Variants in SLMAP observed in about 807,000 individuals in gnomAD.
The protein encoded by SLMAP is sarcolemma associated protein, also known as sarcolemmal membrane-associated protein.
A neutral mutation model predicts 128.8 loss-of-function variants in SLMAP; 44 were observed. The observed-to-expected ratio is 0.34, with a 90% CI of 0.27 to 0.44. The LOEUF is 0.44. Among genes scored for constraint, SLMAP ranks in the 20% least tolerant of loss-of-function variants. The pLI is 1.00. For synonymous variants in SLMAP, 327 were observed against 348.8 expected, an observed-to-expected ratio of 0.94 and a Z score of 0.70; for missense variants, 787 against 985.3, an observed-to-expected ratio of 0.80 and a Z score of 2.69.
chr3:57,797,931 A>T (rs1283357390), intron 2 of SLMAP, among the ~76,000 whole-genome samples: 1 of 152,106 alleles, frequency 6.6e-6, no homozygotes, highest in African/African-American at 2.4e-5. Flanking sequence ...TCCTGGTTTC[A>T]CCTCTTATTA....
chr3:57,771,177 C>CCTCT (rs2080805122), intron 2 of SLMAP, among the ~76,000 whole-genome samples: 13 of 88,532 alleles, frequency 1.5e-4, no homozygotes, highest in East Asian at 7.7e-4. Context: ...CCCTCCCCTC[C>CCTCT]CCTCTCCTCT....
At chr3:57,887,202 A>G (rs2095913718) in intron 14 of SLMAP, among the ~76,000 whole-genome samples, 1 of 152,274 alleles carries the variant, frequency 6.6e-6, no homozygotes, top group Admixed American at 6.5e-5. Context: ...ATAATAAGCT[A>G]AATTTATAAT....
In SLMAP at chr3:57,863,780, A is replaced by G. The variant is rs538592645; in HGVS notation, c.967-768A>G. On this transcript the variant is annotated intron_variant, in intron 10 of 24. Coordinates refer to ENST00000671191, the MANE Select transcript of SLMAP (RefSeq NM_001377540.1). The stretch of plus-strand genomic sequence containing the variant: ...CCAACACTGAGGATCAAATTTCAAC[A>G]TTGAGGCTTGGGGGACGAACATCCA... Among the ~76,000 whole-genome samples the G allele has an allele frequency of 6.6e-5, 10 of 152,174 alleles. No homozygotes were observed. The South Asian group carries it at 2.1e-3, about 32-fold the overall frequency.
intron 14 of SLMAP, among the ~76,000 whole-genome samples, chr3:57,881,850 A>C (rs560234064): frequency 6.6e-6 from 1 of 152,298 alleles, no homozygotes; most frequent in South Asian, 2.1e-4. Flanking sequence ...GCAGCTAATT[A>C]GCCAGGAGCA....
intron 2 of SLMAP, among the ~76,000 whole-genome samples, chr3:57,771,673 G>T (rs2080927332): frequency 1.3e-5 from 2 of 152,214 alleles, no homozygotes; most frequent in African/African-American, 4.8e-5. Context: ...TTATAGGCAT[G>T]ACCCACTGTA....
At chr3:57,772,838 C>T (rs1044956561) in intron 2 of SLMAP, among the ~76,000 whole-genome samples, 4 of 152,040 alleles carry the variant, frequency 2.6e-5, no homozygotes, top group Non-Finnish European at 1.5e-5. Context: ...CAGGGTTTCT[C>T]CATGTTGGTC....
In SLMAP at chr3:57,852,479, C is replaced by G. The variant is rs2094542761; in HGVS notation, c.519+2663C>G. 2.0e-5 allele frequency among the ~76,000 whole-genome samples: 3 copies of G among 152,166 alleles called. No homozygotes were observed. The South Asian group carries it at 6.2e-4, about 32-fold the overall frequency. Reference sequence around the variant, plus strand: ...TTTAACCCTTTTGTGCCTCATTTTCCTCATCTGTGAAATGGATATAGTAAT... The same window carrying G: ...TTTAACCCTTTTGTGCCTCATTTTCGTCATCTGTGAAATGGATATAGTAAT... On this transcript the variant is annotated intron_variant, in intron 6 of 24. Transcript: ENST00000671191.
intron 5 of SLMAP, 122 bp from the exon 6 acceptor site, chr3:57,849,632 A>G: frequency 1.6e-6 from 1 of 637,698 alleles, no homozygotes; most frequent in Non-Finnish European, 2.8e-6. Context: ...TTGTGCTATA[A>G]ATTTGTGATT....
chr3:57,802,557 C>T (rs1322513860), intron 2 of SLMAP, among the ~76,000 whole-genome samples: 4 of 152,230 alleles, frequency 2.6e-5, no homozygotes, highest in South Asian at 2.1e-4. Flanking sequence ...TGAGCCACCG[C>T]GCTCAGCCTG....
chr3:57,845,317 T>C (rs2094189762), intron 4 of SLMAP, among the ~76,000 whole-genome samples: 1 of 152,172 alleles, frequency 6.6e-6, no homozygotes, highest in African/African-American at 2.4e-5. Context: ...TTATGTAGGC[T>C]CAATGAAGTC....
At chr3:57,819,989 C>T (rs1168983097) in intron 2 of SLMAP, among the ~76,000 whole-genome samples, 1 of 152,052 alleles carries the variant, frequency 6.6e-6, no homozygotes, top group Non-Finnish European at 1.5e-5. Context: ...TGGGCTCAAG[C>T]GATCCTTCCC....
At chr3:57,926,748 A>G (rs1165365906) in intron 24 of SLMAP, among the ~76,000 whole-genome samples, 1 of 152,224 alleles carries the variant, frequency 6.6e-6, no homozygotes, top group Non-Finnish European at 1.5e-5. Context: ...CAGAATTATC[A>G]GACAGGCAGG....
In SLMAP at chr3:57,855,205, C is replaced by A. The variant is rs143080786; in HGVS notation, c.520-2528C>A. ...CCAGCCTGATCAACTTGGCAAAACC[C>A]TGTCTCTACTAAAAATACAAAAATT... On this transcript the variant is annotated intron_variant, in intron 6 of 24. Coordinates refer to ENST00000671191, the MANE Select transcript of SLMAP (RefSeq NM_001377540.1). 2.9e-3 allele frequency among the ~76,000 whole-genome samples: 445 copies of A among 152,006 alleles called. 3 individuals are homozygous for A. Among genetic ancestry groups the A allele is most frequent in the African/African-American group, 9.3e-3 (387 of 41,448 alleles).
At chr3:57,845,476 T>C (rs546667105) in intron 4 of SLMAP, among the ~76,000 whole-genome samples, 2 of 152,340 alleles carry the variant, frequency 1.3e-5, no homozygotes, top group East Asian at 3.9e-4. Flanking sequence ...TTCCTATTTT[T>C]AACTCACATC....
At chr3:57,775,765 T>G (rs1233484550) in intron 2 of SLMAP, among the ~76,000 whole-genome samples, 1 of 152,098 alleles carries the variant, frequency 6.6e-6, no homozygotes, top group Non-Finnish European at 1.5e-5. Flanking sequence ...AGTGGTGCAG[T>G]CTTGGCTCAC....
intron 17 of SLMAP, 121 bp downstream of exon 17, chr3:57,897,053 G>A (rs756716254): frequency 1.5e-5 from 22 of 1,478,698 alleles, no homozygotes; most frequent in Non-Finnish European, 2.0e-5. Flanking sequence ...GATAGGTTCT[G>A]TAAAGTAGCA....
In SLMAP at chr3:57,853,958, TATA is replaced by T. The variant is rs2094610896; in HGVS notation, c.520-3774_520-3772del. The stretch of plus-strand genomic sequence containing the variant: ...TTCTGTCTCAAAAAAAAAAAAATTA[TATA>T]TATATATATATATATATATATATAT... On this transcript the variant is annotated intron_variant, in intron 6 of 24. Coordinates refer to ENST00000671191, the MANE Select transcript of SLMAP (RefSeq NM_001377540.1). Among the ~76,000 whole-genome samples, 346 of 51,822 alleles carry T rather than the reference TATA, an allele frequency of 6.7e-3. 1 individual carries two copies. Among genetic ancestry groups the T allele is most frequent in the East Asian group, 0.015 (21 of 1,408 alleles). 34.0% of individuals were successfully genotyped at this position (51,822 alleles called of 152,430 possible).
intron 17 of SLMAP, chr3:57,897,361 C>T (rs2096267528): frequency 5.5e-6 from 1 of 181,474 alleles, no homozygotes; most frequent in Non-Finnish European, 1.1e-5. Context: ...TAAATATCCC[C>T]AGGTTCTTAT....
intron 2 of SLMAP, among the ~76,000 whole-genome samples, chr3:57,830,055 G>A (rs1288431427): frequency 6.6e-6 from 1 of 152,150 alleles, no homozygotes; most frequent in African/African-American, 2.4e-5. Context: ...TTGTTTTTGA[G>A]ATGGAGTCTC....
Sources: allele counts gnomAD v4.1 joint callset (sites outside exome capture counted in the v4.1 genomes callset), GRCh38; gene constraint gnomAD v4.1.1; transcripts MANE v1.5; gene names NCBI Gene and HGNC (gene_info 2026-07-23, HGNC 2026-07-21).